MARS1: variants seen among roughly 807,000 people sequenced by gnomAD.
MARS1 encodes the protein methionine--tRNA ligase, cytoplasmic.
A neutral mutation model predicts 119.5 loss-of-function variants in MARS1; 80 were observed. The ratio of observed to expected loss-of-function variants is 0.67; its 90% CI spans 0.56 to 0.81. The LOEUF (loss-of-function observed/expected upper bound fraction) is 0.81. Ranked by LOEUF, MARS1 falls within the 30% of genes least tolerant of loss-of-function variation. The pLI is 0.00. For synonymous variants in MARS1, 418 were observed against 433.4 expected (o/e 0.96, Z 0.44); for missense variants, 945 against 1,116.5 (o/e 0.85, Z 2.19).
intron 10 of MARS1, among the ~76,000 whole-genome samples, chr12:57,503,033 A>G (rs1390044912): frequency 2.0e-5 from 3 of 152,042 alleles, no homozygotes; most frequent in Non-Finnish European, 4.4e-5. Context: ...CTCAAAAACA[A>G]CAACAACAAC....
chr12:57,516,154 TAAAGG>T, intron 19 of MARS1, 86 bp from the exon 20 acceptor site: 1 of 1,401,192 alleles, frequency 7.1e-7, no homozygotes, highest in Non-Finnish European at 1.0e-6. Context: ...ACCTTCGACT[TAAAGG>T]TAACCACTTT....
In MARS1 at chr12:57,493,436, TATTAC is replaced by T. The variant is rs1443225009; in HGVS notation, c.770+2795_770+2799del. On this transcript the variant is annotated intron_variant, in intron 7 of 20. Transcript: ENST00000262027. ...AATATATTATATGATATGTATAATA[TATTAC>T]ATAATATATAATATATTATAATATA... is the stretch of plus-strand genomic sequence containing the variant. Among the ~76,000 whole-genome samples the T allele has an allele frequency of 0.016, 51 of 3,142 alleles. 12 individuals are homozygous for T. In the South Asian group the frequency reaches 0.38, roughly 23 times the overall value. 2.1% of individuals were successfully genotyped at this position (3,142 alleles called of 152,430 possible). A position where few individuals can be genotyped will look rare whatever the true frequency, so the allele number is the denominator to read the frequency against.
intron 7 of MARS1, among the ~76,000 whole-genome samples, chr12:57,495,256 C>T (rs1214721824): frequency 2.0e-5 from 3 of 150,520 alleles, no homozygotes; most frequent in East Asian, 2.0e-4. Context: ...GCTGGCGGGG[C>T]GGGGGCTGCC....
At chr12:57,513,058 G>T in intron 15 of MARS1, 94 bp downstream of exon 15, 2 of 1,045,918 alleles carry the variant, frequency 1.9e-6, no homozygotes, top group Non-Finnish European at 3.0e-6. Flanking sequence ...TAGAAAATGG[G>T]CAGGAGGCTG....
At position 57,514,952 on chromosome 12, in the gene MARS1, A is replaced by C; in HGVS notation, c.2100-2A>C. ...ACCTTGGCCTGCTTCCTCCCTTCCC[A>C]GGATCCGGGATGCCTTGCGCAGTAT... On this transcript the variant is annotated splice_acceptor_variant, in intron 16 of 20. Coordinates refer to ENST00000262027, the MANE Select transcript of MARS1 (RefSeq NM_004990.4). LOFTEE classifies it high-confidence loss of function. The C allele has an allele frequency of 6.2e-7, 1 of 1,614,130 alleles. No homozygotes were observed. Among genetic ancestry groups the C allele is most frequent in the South Asian group, 1.1e-5 (1 of 91,088 alleles).
At chr12:57,511,619 AAAAGGT>A in intron 11 of MARS1, 73 bp from the exon 12 acceptor site, 5 of 1,510,480 alleles carry the variant, frequency 3.3e-6, no homozygotes, top group Non-Finnish European at 4.6e-6. Flanking sequence ...TTGTGCTCCA[AAAAGGT>A]TATATGTGTT....
chr12:57,497,679 A>G (rs1389964728), intron 7 of MARS1, among the ~76,000 whole-genome samples: 1 of 152,142 alleles, frequency 6.6e-6, no homozygotes, highest in Non-Finnish European at 1.5e-5. Flanking sequence ...TCGGTACAAA[A>G]GGACTTGTTA....
At position 57,509,098 on chromosome 12, in the gene MARS1, T is replaced by A. The variant is rs187179549; in HGVS notation, c.1369-2600T>A. Reference sequence around the variant, plus strand: ...TCCTATTTTTTTCAATTTCTTATAATCCTTTCCTGTCCTAAATTTATTTTC... The same window carrying A: ...TCCTATTTTTTTCAATTTCTTATAAACCTTTCCTGTCCTAAATTTATTTTC... On this transcript the variant is annotated intron_variant, in intron 11 of 20. Transcript: ENST00000262027. 2.0e-5 allele frequency among the ~76,000 whole-genome samples: 3 copies of A among 152,326 alleles called. No individual in the cohort carries two copies. The East Asian group carries it at 5.8e-4, about 29-fold the overall frequency.
chr12:57,495,428 A>G (rs1336688495), intron 7 of MARS1, among the ~76,000 whole-genome samples: 1 of 148,936 alleles, frequency 6.7e-6, no homozygotes, highest in East Asian at 2.0e-4. Context: ...GGCGCTCCCC[A>G]CATCTCAGAC....
At chr12:57,492,206 G>C (rs1876003330) in intron 7 of MARS1, among the ~76,000 whole-genome samples, 1 of 151,488 alleles carries the variant, frequency 6.6e-6, no homozygotes. Context: ...TTGAACCTGG[G>C]AGGCGGAGGT....
intron 7 of MARS1, among the ~76,000 whole-genome samples, chr12:57,497,494 A>G (rs1391662879): frequency 1.3e-5 from 2 of 152,162 alleles, no homozygotes; most frequent in Admixed American, 6.5e-5. Context: ...CTCAGATGTC[A>G]AGGATGATGA....
chr12:57,488,974 T>C, intron 1 of MARS1, 45 bp from the exon 2 acceptor site: 1 of 1,410,826 alleles, frequency 7.1e-7, no homozygotes. Flanking sequence ...GTATTTCTTT[T>C]CTTTTCCTTT....
chr12:57,494,834 A>G (rs1876506113), intron 7 of MARS1, among the ~76,000 whole-genome samples: 3 of 152,162 alleles, frequency 2.0e-5, no homozygotes, highest in African/African-American at 7.2e-5. Context: ...GTAAGGTCAT[A>G]GATCAACAGC....
intron 7 of MARS1, among the ~76,000 whole-genome samples, chr12:57,495,406 C>T (rs565009864): frequency 3.5e-5 from 5 of 142,666 alleles, no homozygotes; most frequent in East Asian, 4.0e-4. Flanking sequence ...TCAGACGGGG[C>T]GGCGGGGCAG....
At position 57,516,640 on chromosome 12, in the gene MARS1, C is replaced by T. The variant is rs1212282997; in HGVS notation, c.*59C>T. On this transcript the variant is annotated 3_prime_UTR_variant, in exon 21 of 21. Coordinates refer to ENST00000262027, the MANE Select transcript of MARS1 (RefSeq NM_004990.4). ...ATAGGGACAGTAATAAATAAATGTA[C>T]AATCTCTATATACAAGCTGAGACCT... 1 of 1,529,100 alleles carries T rather than the reference C, an allele frequency of 6.5e-7. No homozygotes were observed. The highest frequency in any genetic ancestry group is 2.2e-5 in the Admixed American group (1 of 44,692). The allele number at this position is 1,529,100 out of a possible 1,614,324, so 94.7% of individuals were successfully genotyped here. A position where few individuals can be genotyped will look rare whatever the true frequency, so the allele number is the denominator to read the frequency against.
At position 57,516,461 on chromosome 12, in the gene MARS1, A is replaced by G; in HGVS notation, c.2583A>G (p.Ala861=). The change falls in exon 21 of 21, where the codon GCA becomes GCG. Residue 861 remains alanine, a synonymous_variant. Coordinates refer to ENST00000262027, the MANE Select transcript of MARS1 (RefSeq NM_004990.4). ...KQGNIVRELK[A]QKADKNEVAA... ...GAAACATTGTCCGAGAACTGAAAGCACAAAAGGCAGACAAGAACGAGGTTG... is the reference window on the plus strand; with the variant it reads ...GAAACATTGTCCGAGAACTGAAAGCGCAAAAGGCAGACAAGAACGAGGTTG... 6.2e-7 allele frequency: 1 copy of G among 1,613,602 alleles called. No individual in the cohort carries two copies. Among genetic ancestry groups the G allele is most frequent in the South Asian group, 1.1e-5 (1 of 90,932 alleles).
intron 11 of MARS1, among the ~76,000 whole-genome samples, chr12:57,504,695 ATTT>A (rs34351056): frequency 3.6e-5 from 3 of 83,598 alleles, no homozygotes; most frequent in African/African-American, 5.2e-5. Context: ...TGCCTGACTG[ATTT>A]TTTTTTTTTT....
intron 7 of MARS1, among the ~76,000 whole-genome samples, chr12:57,493,829 T>TTA (rs1424938017): frequency 8.0e-4 from 1 of 1,244 alleles, no homozygotes; most frequent in African/African-American, 1.1e-3. Flanking sequence ...ATATATTATA[T>TTA]TATATATTAT....
chr12:57,490,577 A>G lies in MARS1; in HGVS notation c.703A>G (p.Met235Val), dbSNP rs149140599. 5.6e-6 allele frequency: 9 copies of G among 1,614,060 alleles called. No individual in the cohort carries two copies. The highest frequency in any genetic ancestry group is 1.3e-5 in the African/African-American group (1 of 75,000). ...LATLSEEEIAMAVTAWEKGLE... is the reference protein window; with the variant it reads ...LATLSEEEIAVAVTAWEKGLE... Reference sequence around the variant, plus strand: ...TACCCTATCTGAGGAGGAGATTGCTATGGCTGTTACTGCTTGGGAGAAGGG... The same window carrying G: ...TACCCTATCTGAGGAGGAGATTGCTGTGGCTGTTACTGCTTGGGAGAAGGG... Residue 235 changes from methionine to valine, a missense_variant, in exon 7 of 21, where the codon ATG becomes GTG. Transcript: ENST00000262027.
Sources: allele counts gnomAD v4.1 joint callset (sites outside exome capture counted in the v4.1 genomes callset), GRCh38; gene constraint gnomAD v4.1.1; transcripts MANE v1.5; gene names NCBI Gene and HGNC (gene_info 2026-07-23, HGNC 2026-07-21).